The following THBS2 variants were observed in gnomAD, a reference collection of about 807,000 sequenced individuals.
THBS2 encodes thrombospondin-2.
Under a neutral mutation model 135.2 loss-of-function variants are expected in THBS2, and 47 were observed. The ratio of observed to expected loss-of-function variants is 0.35; its 90% confidence interval spans 0.28 to 0.44. The LOEUF (loss-of-function observed/expected upper bound fraction) is 0.44. THBS2 is among the 20% of genes least tolerant of loss of function. The pLI is 1.00. For missense variants in THBS2, 1,288 were observed against 1,603.1 expected, an observed-to-expected ratio of 0.80 and a Z score of 3.36; for synonymous variants, 639 against 633.8, an observed-to-expected ratio of 1.01 and a Z score of -0.12.
chr6:169,240,458 G>T lies in THBS2; in HGVS notation c.1026C>A (p.Thr342=), dbSNP rs202126866. Residue 342 remains threonine, a synonymous_variant, in exon 6 of 22, where the codon ACC becomes ACA. Coordinates refer to ENST00000617924, the MANE Select transcript of THBS2 (RefSeq NM_003247.5). ...CCGTGTTCTGGGGCCTCACCTTGCA[G>T]GTACACGTGGTGCAGCTGTCCACCA... The part of the protein sequence containing the change: ...TWVVDSCTTC[T]CKKFKTICHQ... 1 of 1,613,472 alleles carries T rather than the reference G, an allele frequency of 6.2e-7. No homozygotes were observed. The highest frequency in any genetic ancestry group is 2.2e-5 in the East Asian group (1 of 44,878).
intron 2 of THBS2, among the ~76,000 whole-genome samples, chr6:169,249,305 T>C (rs1780678016): frequency 6.6e-6 from 1 of 152,174 alleles, no homozygotes; most frequent in African/African-American, 2.4e-5. Context: ...GCCCTTTGCA[T>C]AGCCCGACCT....
chr6:169,220,609 A>C (rs1779389133), intron 20 of THBS2, among the ~76,000 whole-genome samples: 1 of 152,262 alleles, frequency 6.6e-6, no homozygotes, highest in African/African-American at 2.4e-5. Flanking sequence ...GCTTTAGAGG[A>C]GACTCTACCT....
chr6:169,241,669 G>A lies in THBS2; in HGVS notation c.891+93C>T. 2.2e-6 allele frequency: 3 copies of A among 1,360,288 alleles called. No individual in the cohort carries two copies. The highest frequency in any genetic ancestry group is 3.0e-6 in the Non-Finnish European group (3 of 991,778). 84.3% of individuals were successfully genotyped at this position (1,360,288 alleles called of 1,614,324 possible). ...GTTTTTACATCGAGCATGAGGCACT[G>A]CCAAGCCAGGGAATGTTGATACCTG... On this transcript the variant is annotated intron_variant, in intron 5 of 21. Transcript: ENST00000617924. This position sits in a 1 kb window ranked among gnomAD's most constrained non-coding sequence, Gnocchi z 5.5.
intron 4 of THBS2, among the ~76,000 whole-genome samples, chr6:169,244,164 G>GTT (rs34458367): frequency 0.054 from 6,529 of 120,202 alleles, 232 homozygotes; most frequent in Non-Finnish European, 0.07. Context: ...ATTTCTCTGT[G>GTT]TTTTTTTTTT....
chr6:169,226,368 T>C, intron 15 of THBS2, 70 bp from the exon 16 acceptor site: 3 of 1,231,794 alleles, frequency 2.4e-6, no homozygotes, highest in Admixed American at 1.8e-5. Flanking sequence ...AAAAAGCACA[T>C]TGTTTTTCCT....
chr6:169,244,973 C>A (rs1007214636), intron 4 of THBS2, among the ~76,000 whole-genome samples: 4 of 152,248 alleles, frequency 2.6e-5, no homozygotes. Flanking sequence ...GGGCTACGCA[C>A]CCCGGTTCTG....
chr6:169,228,539 T>C (rs1439238688), intron 14 of THBS2, among the ~76,000 whole-genome samples: 3 of 151,784 alleles, frequency 2.0e-5, no homozygotes, highest in Non-Finnish European at 4.4e-5. Context: ...CCCAGCACTA[T>C]GGGAGGCTGA....
intron 9 of THBS2, among the ~76,000 whole-genome samples, chr6:169,236,003 C>T (rs1312838116): frequency 1.8e-5 from 2 of 113,446 alleles, no homozygotes; most frequent in Admixed American, 8.2e-5. Context: ...CACTCTCCCT[C>T]CACCATCCAC....
chr6:169,232,641 C>T (rs1437206491), intron 12 of THBS2, 23 bp downstream of exon 12: 3 of 1,578,688 alleles, frequency 1.9e-6, no homozygotes, highest in Admixed American at 1.8e-5. Flanking sequence ...TCGCAACACA[C>T]AAGGAAGGCC....
intron 21 of THBS2, 66 bp downstream of exon 21, chr6:169,220,132 T>C: frequency 3.8e-6 from 6 of 1,559,812 alleles, no homozygotes; most frequent in Non-Finnish European, 5.2e-6. Context: ...AAGAGCGCAC[T>C]GTGTACCCCT....
intron 3 of THBS2, among the ~76,000 whole-genome samples, chr6:169,247,772 C>T (rs11753497): frequency 0.17 from 25,923 of 151,106 alleles, 2,249 homozygotes; most frequent in East Asian, 0.23. Context: ...GGTGTGTGTG[C>T]ATGTGTGGTA....
At chr6:169,233,197 A>G (rs1388564723) in intron 10 of THBS2, among the ~76,000 whole-genome samples, 180 bp from the exon 11 acceptor site, 1 of 152,130 alleles carries the variant, frequency 6.6e-6, no homozygotes, top group Non-Finnish European at 1.5e-5. Flanking sequence ...CGCATTGCTC[A>G]GGTGGACACA....
intron 20 of THBS2, 45 bp from the exon 21 acceptor site, chr6:169,220,382 T>G (rs764802661): frequency 6.3e-7 from 1 of 1,586,692 alleles, no homozygotes; most frequent in Non-Finnish European, 8.6e-7. Context: ...AAAGACAACA[T>G]GAACTCTGTG....
intron 11 of THBS2, 36 bp downstream of exon 11, chr6:169,232,854 C>T (rs1261554223): frequency 2.5e-6 from 4 of 1,606,578 alleles, no homozygotes; most frequent in Non-Finnish European, 3.4e-6. Context: ...CGCTCCCGAC[C>T]TCAGGGCGCC....
intron 13 of THBS2, among the ~76,000 whole-genome samples, chr6:169,230,172 TCTG>T (rs1779782793): frequency 6.6e-6 from 1 of 152,188 alleles, no homozygotes; most frequent in South Asian, 2.1e-4. Flanking sequence ...CTTGAAATTA[TCTG>T]CTAACTCAGC....
intron 4 of THBS2, among the ~76,000 whole-genome samples, chr6:169,242,310 GGC>G (rs2115019230): frequency 1.3e-5 from 2 of 152,158 alleles, no homozygotes; most frequent in East Asian, 3.9e-4. Flanking sequence ...GAGCACCAGT[GGC>G]CACGCATGTC....
chr6:169,219,736 G>A (rs545488493), intron 21 of THBS2: 70 of 514,192 alleles, frequency 1.4e-4, no homozygotes, highest in Non-Finnish European at 1.4e-4. Context: ...TGAAGGCATG[G>A]AATTAGAGCA....
intron 12 of THBS2, 72 bp from the exon 13 acceptor site, chr6:169,232,270 G>T: frequency 1.3e-6 from 2 of 1,526,768 alleles, no homozygotes; most frequent in Non-Finnish European, 1.8e-6. Flanking sequence ...GCGGGGCGTC[G>T]GGCACCGCAG....
chr6:169,242,691 TCTTCCCACCTTCCCACC>T (rs1780370467), intron 4 of THBS2, among the ~76,000 whole-genome samples: 1 of 10,046 alleles, frequency 1.0e-4, no homozygotes, highest in Non-Finnish European at 1.8e-4. Context: ...CACCTTCCCA[TCTTCCCACCTTCCCACC>T]ACTCCCACCT....
Sources: gnomAD v4.1 joint callset for allele counts (sites outside exome capture counted in the v4.1 genomes callset) on GRCh38, gnomAD v4.1.1 for gene constraint, Gnocchi (gnomAD v3.1) non-coding constraint, MANE v1.5 for transcripts, NCBI Gene and HGNC (gene_info 2026-07-23, HGNC 2026-07-21) for gene names.